The following ST7 variants were observed in gnomAD, a reference collection of about 807,000 sequenced individuals.
ST7 encodes suppressor of tumorigenicity 7 protein.
ST7 carries 28 observed loss-of-function variants against 78.7 expected under a neutral mutation model. That is an observed-to-expected ratio of 0.36 (90% confidence interval 0.26 to 0.49). ST7 has a LOEUF of 0.49. Among genes scored for constraint, ST7 ranks in the 20% least tolerant of loss-of-function variants. The pLI is 0.99. For synonymous variants in ST7, 247 were observed against 249.6 expected (o/e 0.99, Z 0.10); for missense variants, 418 against 696.0 (o/e 0.60, Z 4.49).
At chr7:117,114,294 A>G (rs768532775) in intron 2 of ST7, among the ~76,000 whole-genome samples, 18 of 152,174 alleles carry the variant, frequency 1.2e-4, no homozygotes, top group Non-Finnish European at 2.5e-4. Context: ...CAATATGGTA[A>G]AAAGAATATA....
At chr7:117,069,098 C>T (rs1584560249) in intron 1 of ST7, among the ~76,000 whole-genome samples, 1 of 152,220 alleles carries the variant, frequency 6.6e-6, no homozygotes, top group East Asian at 1.9e-4. Context: ...CCAGCTGCTT[C>T]AGCACAGCTA....
chr7:116,968,416 C>G, intron 1 of ST7: 1 of 451,294 alleles, frequency 2.2e-6, no homozygotes, highest in South Asian at 1.6e-5. Context: ...CTATGTTGAC[C>G]GTGCTGGACT....
chr7:117,172,920 G>A (rs13229745), intron 10 of ST7, among the ~76,000 whole-genome samples: 23,516 of 152,168 alleles, frequency 0.15, 1,926 homozygotes, highest in Non-Finnish European at 0.17. Flanking sequence ...CATCAGCCTC[G>A]TGTTATAAGA....
chr7:117,229,783 C>T lies in ST7; in HGVS notation c.1660C>T (p.Pro554Ser). The T allele has an allele frequency of 6.2e-7, 1 of 1,613,278 alleles. No individual in the cohort carries two copies. The highest frequency in any genetic ancestry group is 1.1e-5 in the South Asian group (1 of 91,024). The part of the protein sequence containing the change: ...AKAFLSTLFA[P>S]LNFVMEKVES... ...GCAGTTCCTCAGCACTTTGTTTGCC[C>T]CCTTAAACTTTGTCATGGAGAAAGT... The change falls in exon 16 of 16, where the codon CCC (proline) becomes TCC (serine). Residue 554 changes from proline (P) to serine (S), a missense_variant. Transcript: ENST00000323984.
At chr7:117,007,630 T>C (rs774869418) in intron 1 of ST7, among the ~76,000 whole-genome samples, 5 of 152,204 alleles carry the variant, frequency 3.3e-5, no homozygotes, top group Non-Finnish European at 7.4e-5. Flanking sequence ...CAGTGTTATA[T>C]TGGAGGAAGA....
At chr7:116,990,673 T>G (rs771409337) in intron 1 of ST7, among the ~76,000 whole-genome samples, 16 of 152,210 alleles carry the variant, frequency 1.1e-4, no homozygotes, top group Non-Finnish European at 1.3e-4. Flanking sequence ...TGTCACCTTC[T>G]AAGTTCAGCT....
chr7:117,005,378 G>A (rs534097375), intron 1 of ST7, among the ~76,000 whole-genome samples: 2 of 152,182 alleles, frequency 1.3e-5, no homozygotes, highest in East Asian at 3.9e-4. Context: ...TGTTCCTAAG[G>A]CTAGCCCAGT....
intron 1 of ST7, among the ~76,000 whole-genome samples, chr7:117,085,629 C>T (rs959912729): frequency 2.6e-5 from 4 of 152,126 alleles, no homozygotes; most frequent in East Asian, 1.9e-4. Flanking sequence ...AGTGTTCCTT[C>T]GGCTTTTTGC....
intron 1 of ST7, among the ~76,000 whole-genome samples, chr7:117,070,393 A>G (rs1171741079): frequency 6.6e-6 from 1 of 152,208 alleles, no homozygotes; most frequent in Non-Finnish European, 1.5e-5. Context: ...GATTACTTGC[A>G]AAAGGTATTC....
At chr7:117,194,911 C>T (rs1426305996) in intron 12 of ST7, among the ~76,000 whole-genome samples, 1 of 152,196 alleles carries the variant, frequency 6.6e-6, no homozygotes, top group African/African-American at 2.4e-5. Flanking sequence ...AGCCACACTG[C>T]AAGCCTTTCA....
chr7:117,212,177 G>A (rs61117879), intron 13 of ST7, among the ~76,000 whole-genome samples: 6,181 of 152,294 alleles, frequency 0.041, 258 homozygotes, highest in South Asian at 0.22. Flanking sequence ...CTTGAAGAGT[G>A]TTTGTTTAAC....
chr7:117,135,792 A>T (rs1268917731), intron 7 of ST7, among the ~76,000 whole-genome samples: 2 of 152,094 alleles, frequency 1.3e-5, no homozygotes, highest in East Asian at 1.9e-4. Flanking sequence ...GTTGTTCTCC[A>T]TCAGGGAGGC....
intron 1 of ST7, among the ~76,000 whole-genome samples, chr7:117,051,218 A>G (rs1797776782): frequency 6.6e-6 from 1 of 152,238 alleles, no homozygotes; most frequent in South Asian, 2.1e-4. Flanking sequence ...CATGGAACTC[A>G]TAGTTTAATG....
rs377401575 is a variant in ST7, at chr7:117,170,989, G to A, written c.1078+13G>A. On this transcript the variant is annotated intron_variant, in intron 10 of 15. Transcript: ENST00000323984. ...GCAAAGTATGATGGTAAGTTCTTGG[G>A]TATTTTTATTTACTTGACTATTCCT... The A allele has an allele frequency of 2.9e-4, 446 of 1,547,062 alleles. 2 individuals carry two copies. Among genetic ancestry groups the A allele is most frequent in the Non-Finnish European group, 3.2e-4 (360 of 1,130,520 alleles).
intron 3 of ST7, among the ~76,000 whole-genome samples, chr7:117,124,285 G>A (rs1305004909): frequency 6.6e-6 from 1 of 152,048 alleles, no homozygotes; most frequent in Non-Finnish European, 1.5e-5. Context: ...AGCTTTATAT[G>A]ATATTGTCTC....
chr7:116,965,755 A>G (rs1793078418), intron 1 of ST7: 1 of 154,204 alleles, frequency 6.5e-6, no homozygotes. Context: ...AAAAATAATA[A>G]GATATTTGAA....
At chr7:117,029,813 A>G (rs1563023611) in intron 1 of ST7, among the ~76,000 whole-genome samples, 1 of 151,556 alleles carries the variant, frequency 6.6e-6, no homozygotes, top group African/African-American at 2.4e-5. Context: ...TCTTGAAAAG[A>G]CTGTCATTTC....
intron 9 of ST7, chr7:117,144,047 G>T (rs1338214333): frequency 1.3e-5 from 2 of 152,150 alleles, no homozygotes; most frequent in African/African-American, 4.8e-5. Flanking sequence ...TTGAAAAGAT[G>T]TTAAAATAAT....
At chr7:116,975,553 G>T (rs1015183327) in intron 1 of ST7, among the ~76,000 whole-genome samples, 4 of 151,942 alleles carry the variant, frequency 2.6e-5, no homozygotes, top group Non-Finnish European at 5.9e-5. Context: ...GATTACAGGT[G>T]CCTGGCTCCA....
Sources: allele counts gnomAD v4.1 joint callset (sites outside exome capture counted in the v4.1 genomes callset), GRCh38; gene constraint gnomAD v4.1.1; transcripts MANE v1.5; gene names NCBI Gene and HGNC (gene_info 2026-07-23, HGNC 2026-07-21).